ELAVL3: variants seen among roughly 807,000 people sequenced by gnomAD.
ELAVL3 encodes the protein ELAV like RNA binding protein 3, also known as ELAV-like protein 3.
ELAVL3 carries 8 observed loss-of-function variants against 34.2 expected under a neutral mutation model. The observed-to-expected ratio is 0.23, with a 90% CI of 0.14 to 0.42. The LOEUF is 0.42. Among genes scored for constraint, ELAVL3 ranks in the 10% least tolerant of loss-of-function variants. The pLI, the probability that ELAVL3 is intolerant of heterozygous loss-of-function variation, is 1.00. For missense variants in ELAVL3, 273 were observed against 518.8 expected, an observed-to-expected ratio of 0.53 and a Z score of 4.60; for synonymous variants, 209 against 222.1, an observed-to-expected ratio of 0.94 and a Z score of 0.53.
At chr19:11,474,591 ACTCCGT>A (rs1489343782) in intron 1 of ELAVL3, among the ~76,000 whole-genome samples, 1 of 147,162 alleles carries the variant, frequency 6.8e-6, no homozygotes, top group Admixed American at 6.9e-5. Flanking sequence ...ACAGAGTGAG[ACTCCGT>A]CTCAAAAAAA....
chr19:11,455,055 G>A (rs955530109), intron 6 of ELAVL3, among the ~76,000 whole-genome samples, 178 bp from the exon 7 acceptor site: 1 of 152,106 alleles, frequency 6.6e-6, no homozygotes. Context: ...CTGGAGTGCA[G>A]TGGTGCAATC....
intron 1 of ELAVL3, among the ~76,000 whole-genome samples, chr19:11,467,935 G>A (rs1288304155): frequency 1.3e-5 from 2 of 152,090 alleles, no homozygotes; most frequent in Non-Finnish European, 1.5e-5. Flanking sequence ...AACAATAGGC[G>A]CATGCCACCA....
Position 11,457,330 on chromosome 19 carries a change from C to T in ELAVL3, c.714-182G>A, listed in dbSNP as rs181831575. On this transcript the variant is annotated intron_variant, in intron 5 of 6. Coordinates refer to ENST00000359227, the MANE Select transcript of ELAVL3 (RefSeq NM_001420.4). ...CACGGAACCGTGGTCACTCAGGCAC[C>T]GCCTCTCGCCTGCCCCACCGCTGTC... Among the ~76,000 whole-genome samples, 19 of 152,242 alleles carry T rather than the reference C, an allele frequency of 1.2e-4. No individual in the cohort carries two copies. The East Asian group carries it at 2.9e-3, about 23-fold the overall frequency.
chr19:11,456,957 G>A (rs549362306), intron 6 of ELAVL3, among the ~76,000 whole-genome samples, 153 bp downstream of exon 6: 9 of 152,198 alleles, frequency 5.9e-5, no homozygotes, highest in African/African-American at 1.9e-4. Context: ...GAACCACCAC[G>A]TCTGGCTTTG....
At chr19:11,462,510 G>C (rs185103581) in intron 3 of ELAVL3, among the ~76,000 whole-genome samples, 1 of 151,790 alleles carries the variant, frequency 6.6e-6, no homozygotes, top group African/African-American at 2.4e-5. Context: ...GGTGGCGGGC[G>C]CCTGTAATCC....
In ELAVL3 at chr19:11,451,816, T is replaced by TG. The variant is rs1421565580; in HGVS notation, c.*2709dup. 90 of 145,270 alleles carry TG rather than the reference T, an allele frequency of 6.2e-4. No homozygotes were observed. Among genetic ancestry groups the TG allele is most frequent in the African/African-American group, 2.2e-3 (84 of 38,134 alleles). The allele number at this position is 145,270 out of a possible 1,614,324, so 9.0% of individuals were successfully genotyped here. On this transcript the variant is annotated 3_prime_UTR_variant, in exon 7 of 7. Coordinates refer to ENST00000359227, the MANE Select transcript of ELAVL3 (RefSeq NM_001420.4). ...TAGGCCTCGGTGGGGGGGGGGTGTG[T>TG]GGGGAGGTGCCCCCTCTCTGGAGCC...
At chr19:11,465,020 TACAC>T (rs1370851721) in intron 3 of ELAVL3, among the ~76,000 whole-genome samples, 4 of 49,686 alleles carry the variant, frequency 8.1e-5, no homozygotes, top group Non-Finnish European at 1.6e-4. Context: ...TACATACACA[TACAC>T]ACACCACACA....
chr19:11,468,802 G>C (rs532962346), intron 1 of ELAVL3, among the ~76,000 whole-genome samples: 14 of 152,178 alleles, frequency 9.2e-5, no homozygotes, highest in African/African-American at 3.4e-4. Flanking sequence ...TTTTTTTCTA[G>C]ATGGCCTTTA....
At chr19:11,465,101 C>T (rs1474949109) in intron 3 of ELAVL3, among the ~76,000 whole-genome samples, 7 of 122,102 alleles carry the variant, frequency 5.7e-5, no homozygotes, top group African/African-American at 9.2e-5. Context: ...ACACCACACA[C>T]ACATACACAT....
Position 11,452,183 on chromosome 19 carries a change from C to T in ELAVL3, c.*2343G>A, listed in dbSNP as rs543554643. On this transcript the variant is annotated 3_prime_UTR_variant, in exon 7 of 7. Transcript: ENST00000359227. Reference sequence around the variant, plus strand: ...GACTGTCCCGCAGAGCACACGCCCCCGCGTGCCACTCGGCTACCATTACTG... The same window carrying T: ...GACTGTCCCGCAGAGCACACGCCCCTGCGTGCCACTCGGCTACCATTACTG... 2.6e-4 allele frequency: 39 copies of T among 152,340 alleles called. 2 individuals carry two copies. The East Asian group carries it at 6.8e-3, about 26-fold the overall frequency. 9.4% of individuals were successfully genotyped at this position (152,340 alleles called of 1,614,324 possible).
In ELAVL3 at chr19:11,458,068, G is replaced by T; in HGVS notation, c.706C>A (p.Arg236Ser). The change falls in exon 5 of 7, where the codon CGT becomes AGT. Residue 236 changes from arginine to serine, a missense_variant. Around this residue, in one of 4 missense-constraint regions of ELAVL3, gnomAD observed 79 missense variants for 108.2 expected, o/e 0.73. Coordinates refer to ENST00000359227, the MANE Select transcript of ELAVL3 (RefSeq NM_001420.4). This position sits in a 1 kb window ranked among gnomAD's most constrained non-coding sequence, Gnocchi z 7.3. ...GGCTGGCAGGGGGCTCACCGGAAAC[G>T]CTGGGTCTGATGGTGTAGGGGGCCT... Reference protein sequence around the residue: ...YAGPLHHQTQRFRLDNLLNMA... With the variant: ...YAGPLHHQTQSFRLDNLLNMA... The T allele has an allele frequency of 6.2e-7, 1 of 1,612,214 alleles. No individual in the cohort carries two copies. Among genetic ancestry groups the T allele is most frequent in the Non-Finnish European group, 8.5e-7 (1 of 1,180,010 alleles).
Position 11,480,357 on chromosome 19 carries a change from G to A in ELAVL3, c.9+243C>T. 2.4e-6 allele frequency: 1 copy of A among 410,220 alleles called. No homozygotes were observed. The highest frequency in any genetic ancestry group is 4.3e-6 in the Non-Finnish European group (1 of 235,232). The allele number at this position is 410,220 out of a possible 1,614,324, so 25.4% of individuals were successfully genotyped here. ...GGGGCAATCCCGCCTCCAGGGCGGCGTCGGACGCCTCCCGAATCGCAGTCA... is the reference window on the plus strand; with the variant it reads ...GGGGCAATCCCGCCTCCAGGGCGGCATCGGACGCCTCCCGAATCGCAGTCA... On this transcript the variant is annotated intron_variant, in intron 1 of 6. Transcript: ENST00000359227. The surrounding 1 kb of genome is among the most constrained non-coding windows in gnomAD (Gnocchi z 6.8).
chr19:11,456,890 C>T (rs1970779469), intron 6 of ELAVL3, among the ~76,000 whole-genome samples: 1 of 152,158 alleles, frequency 6.6e-6, no homozygotes, highest in South Asian at 2.1e-4. Context: ...ATCTTGAACT[C>T]CTGGCCTCAA....
At chr19:11,464,556 C>T (rs985846887) in intron 3 of ELAVL3, among the ~76,000 whole-genome samples, 3 of 149,456 alleles carry the variant, frequency 2.0e-5, no homozygotes, top group Non-Finnish European at 3.0e-5. Context: ...CTGTATCTCA[C>T]AACTCAAGAT....
At position 11,458,555 on chromosome 19, in the gene ELAVL3, G is replaced by A. The variant is rs140469820; in HGVS notation, c.390C>T (p.Ser130=). 130 of 1,614,092 alleles carry A rather than the reference G, an allele frequency of 8.1e-5. No homozygotes were observed. The highest frequency in any genetic ancestry group is 1.6e-4 in the Middle Eastern group (1 of 6,062). The change falls in exon 4 of 7, where the codon AGC becomes AGT. Residue 130 remains serine (S), a synonymous_variant. Coordinates refer to ENST00000359227, the MANE Select transcript of ELAVL3 (RefSeq NM_001420.4). The surrounding 1 kb of genome is among the most constrained non-coding windows in gnomAD (Gnocchi z 7.3). The part of the protein sequence containing the change: ...ASIRDANLYV[S]GLPKTMSQKE... ...TCTGGCTCATGGTCTTGGGGAGCCC[G>A]CTGACGTACAGGTTAGCATCCCGGA...
Position 11,458,169 on chromosome 19 carries a change from A to G in ELAVL3, c.605T>C (p.Phe202Ser). The part of the protein sequence containing the change: ...LGAAEPITVK[F>S]ANNPSQKTGQ... ...CGTCTTCTGACTTGGGTTGTTCGCG[A>G]ACTTGACTGTGATGGGCTCAGCTGC... The change falls in exon 5 of 7, where the codon TTC becomes TCC. Residue 202 changes from phenylalanine to serine, a missense_variant. Transcript: ENST00000359227. This position sits in a 1 kb window ranked among gnomAD's most constrained non-coding sequence, Gnocchi z 7.3. The G allele has an allele frequency of 6.2e-7, 1 of 1,614,134 alleles. No homozygotes were observed. The highest frequency in any genetic ancestry group is 8.5e-7 in the Non-Finnish European group (1 of 1,180,014).
intron 6 of ELAVL3, among the ~76,000 whole-genome samples, chr19:11,455,504 C>G (rs1970749577): frequency 6.6e-6 from 1 of 152,040 alleles, no homozygotes; most frequent in Non-Finnish European, 1.5e-5. Context: ...TCAGGCTGGT[C>G]TCGAACTCCC....
rs937697773 is a variant in ELAVL3 at position 11,453,797 on chromosome 19, G to A, written c.*729C>T. ...TGCTCCCTGGGCCCCCCCCACCCCC[G>A]CCCCAGTTGGTAAACATAACCTGCC... On this transcript the variant is annotated 3_prime_UTR_variant, in exon 7 of 7. Coordinates refer to ENST00000359227, the MANE Select transcript of ELAVL3 (RefSeq NM_001420.4). 2.6e-5 allele frequency: 1 copy of A among 38,100 alleles called. No individual in the cohort carries two copies. Among genetic ancestry groups the A allele is most frequent in the Non-Finnish European group, 5.8e-5 (1 of 17,336 alleles). 2.4% of individuals were successfully genotyped at this position (38,100 alleles called of 1,614,324 possible).
chr19:11,476,029 C>G (rs1049590289), intron 1 of ELAVL3, among the ~76,000 whole-genome samples: 1 of 152,168 alleles, frequency 6.6e-6, no homozygotes, highest in African/African-American at 2.4e-5. Flanking sequence ...CATCCGGCCT[C>G]AAAAGGAATA....
Sources: gnomAD v4.1 joint callset for allele counts (sites outside exome capture counted in the v4.1 genomes callset) on GRCh38, gnomAD v4.1.1 for gene constraint, gnomAD v4.1.1 regional missense constraint, Gnocchi (gnomAD v3.1) non-coding constraint, MANE v1.5 for transcripts, NCBI Gene and HGNC (gene_info 2026-07-23, HGNC 2026-07-21) for gene names.